Variants in GSC observed in about 807,000 individuals in gnomAD.
GSC encodes homeobox protein goosecoid.
In GSC, 13 loss-of-function variants were observed where a neutral mutation model predicts 24.5. The ratio of observed to expected loss-of-function variants is 0.53; its 90% CI spans 0.35 to 0.84. GSC has a LOEUF of 0.84. Ranked by LOEUF, GSC falls within the 40% of genes least tolerant of loss-of-function variation. The pLI is 0.01. For synonymous variants in GSC, 199 were observed against 182.1 expected (o/e 1.09, Z -0.75); for missense variants, 382 against 384.2 (o/e 0.99, Z 0.05).
Position 94,768,644 on chromosome 14 carries a change from C to G in GSC, c.621G>C (p.Trp207Cys). The G allele has an allele frequency of 6.2e-7, 1 of 1,613,638 alleles. No individual in the cohort carries two copies. Among genetic ancestry groups the G allele is most frequent in the Non-Finnish European group, 8.5e-7 (1 of 1,180,026 alleles). The change falls in exon 3 of 3, where the codon TGG becomes TGC. Residue 207 changes from tryptophan to cysteine, a missense_variant. Coordinates refer to ENST00000238558, the MANE Select transcript of GSC (RefSeq NM_173849.3). ...TCCATTTGGCGCGGCGGTTCTTAAA[C>G]CAGACCTGTTGCGCAACGGAGGACA... is the stretch of plus-strand genomic sequence containing the variant. ...VHLREEKVEV[W>C]FKNRRAKWRR...
At chr14:94,769,556 G>T in intron 1 of GSC, 105 bp downstream of exon 1, 1 of 1,366,638 alleles carries the variant, frequency 7.3e-7, no homozygotes, top group Non-Finnish European at 9.5e-7. Flanking sequence ...AAGCGGAGGG[G>T]GGAGTTGCAA....
At chr14:94,769,546 A>C in intron 1 of GSC, 115 bp downstream of exon 1, 2 of 1,357,074 alleles carry the variant, frequency 1.5e-6, no homozygotes, top group Non-Finnish European at 1.9e-6. Flanking sequence ...CGATCGGCAA[A>C]AGCGGAGGGG....
Position 94,769,403 on chromosome 14 carries a change from G to A in GSC, c.356-186C>T, listed in dbSNP as rs116232022. 0.015 allele frequency among the ~76,000 whole-genome samples: 2,340 copies of A among 152,222 alleles called. 73 individuals are homozygous for A. Among genetic ancestry groups the A allele is most frequent in the African/African-American group, 0.053 (2,197 of 41,468 alleles). On this transcript the variant is annotated intron_variant, in intron 1 of 2. Transcript: ENST00000238558. ...TGTTAGAGCATCCATCCGCACACCC[G>A]CCAAAGCCAGTAAGAGAATTCAAAA...
chr14:94,768,306 C>A lies in GSC; in HGVS notation c.*185G>T. 4.1e-6 allele frequency: 3 copies of A among 724,860 alleles called. No homozygotes were observed. The South Asian group carries it at 4.8e-5, about 12-fold the overall frequency. The allele number at this position is 724,860 out of a possible 1,614,324, so 44.9% of individuals were successfully genotyped here. On this transcript the variant is annotated 3_prime_UTR_variant, in exon 3 of 3. Coordinates refer to ENST00000238558, the MANE Select transcript of GSC (RefSeq NM_173849.3). ...GGGGCTAGTCGCGGGCGGCCTCGGG[C>A]TGCTGGGCTGTGCGCGCCCTGACCC...
chr14:94,769,279 G>T, intron 1 of GSC, 62 bp from the exon 2 acceptor site: 6 of 1,524,838 alleles, frequency 3.9e-6, no homozygotes, highest in Non-Finnish European at 5.3e-6. Flanking sequence ...ATGCACGCCC[G>T]CCAGCCCCCG....
rs565839799 is a variant in GSC, at chr14:94,769,454, T to C, written c.355+207A>G. On this transcript the variant is annotated intron_variant, in intron 1 of 2. Coordinates refer to ENST00000238558, the MANE Select transcript of GSC (RefSeq NM_173849.3). ...CAAAACAAAACAAAACAAAACCCAGTTTCCCCGGGCAGGCACTGAATTCCA... is the reference window on the plus strand; with the variant it reads ...CAAAACAAAACAAAACAAAACCCAGCTTCCCCGGGCAGGCACTGAATTCCA... Among the ~76,000 whole-genome samples, 10 of 150,466 alleles carry C rather than the reference T, an allele frequency of 6.6e-5. No individual in the cohort carries two copies. The South Asian group carries it at 2.1e-3, about 31-fold the overall frequency.
At chr14:94,769,445 A>C (rs982317826) in intron 1 of GSC, among the ~76,000 whole-genome samples, 1 of 152,202 alleles carries the variant, frequency 6.6e-6, no homozygotes, top group Non-Finnish European at 1.5e-5. Context: ...AAAACAAAAC[A>C]AAACCCAGTT....
In GSC at chr14:94,769,106, T is replaced by C. The variant is rs1490614477; in HGVS notation, c.467A>G (p.His156Arg). The C allele has an allele frequency of 6.3e-7, 1 of 1,587,986 alleles. No homozygotes were observed. Among genetic ancestry groups the C allele is most frequent in the Non-Finnish European group, 8.6e-7 (1 of 1,167,848 alleles). The change falls in exon 2 of 3, where the codon CAC becomes CGC. Residue 156 changes from histidine to arginine, a missense_variant. By Grantham distance (29) the His-to-Arg change is conservative (BLOSUM62 0). Coordinates refer to ENST00000238558, the MANE Select transcript of GSC (RefSeq NM_173849.3). Reference protein sequence around the residue: ...RTELQLLNQLHCRRKRRHRTI... With the variant: ...RTELQLLNQLRCRRKRRHRTI... ...GCGGTGCCGCCGCTTCCGCCGACAG[T>C]GCAGCTGGTTGAGAAGCTGCAGCTC...
At position 94,768,597 on chromosome 14, in the gene GSC, G is replaced by A; in HGVS notation, c.668C>T (p.Ser223Leu). ...AKWRRQKRSS[S>L]EESENAEKWN... is the part of the protein sequence containing the mutation. ...CTTCTCCGCGTTCTCCGACTCCTCT[G>A]ATGAGGACCGCTTCTGCCGCCTCCA... Residue 223 changes from serine (S) to leucine (L), a missense_variant, in exon 3 of 3, where the codon TCA becomes TTA. Ser to Leu is a moderately radical substitution (Grantham distance 145). Transcript: ENST00000238558. The A allele has an allele frequency of 6.2e-7, 1 of 1,614,122 alleles. No individual in the cohort carries two copies. The highest frequency in any genetic ancestry group is 8.5e-7 in the Non-Finnish European group (1 of 1,180,016).
In GSC at chr14:94,770,095, T is replaced by C; in HGVS notation, c.-80A>G. 1 of 1,333,966 alleles carries C rather than the reference T, an allele frequency of 7.5e-7. No individual in the cohort carries two copies. Among genetic ancestry groups the C allele is most frequent in the Non-Finnish European group, 1.0e-6 (1 of 992,022 alleles). The allele number at this position is 1,333,966 out of a possible 1,614,324, so 82.6% of individuals were successfully genotyped here. A position where few individuals can be genotyped will look rare whatever the true frequency, so the allele number is the denominator to read the frequency against. On this transcript the variant is annotated 5_prime_UTR_variant, in exon 1 of 3. Transcript: ENST00000238558. The stretch of plus-strand genomic sequence containing the variant: ...CTTAAAGTGGGGGGGTCCACTCTCC[T>C]CCAGCCGCCGACCAAACCGAAAGAG...
chr14:94,768,698 C>T (rs781332306), intron 2 of GSC, 49 bp from the exon 3 acceptor site: 3 of 1,606,468 alleles, frequency 1.9e-6, no homozygotes, highest in Middle Eastern at 1.9e-4. Context: ...GCGCGCTTCC[C>T]CCAGTCCCGG....
At position 94,768,940 on chromosome 14, in the gene GSC, G is replaced by A. The variant is rs1221045719; in HGVS notation, c.615+18C>T. 4 of 1,570,042 alleles carry A rather than the reference G, an allele frequency of 2.5e-6. No homozygotes were observed. The highest frequency in any genetic ancestry group is 1.9e-5 in the Admixed American group (1 of 53,808). ...GGGGAAGGACCGCTAGGCGCCCACG[G>A]CAGGCCCCGGCGCCTACCTCCACTT... On this transcript the variant is annotated intron_variant, in intron 2 of 2. Coordinates refer to ENST00000238558, the MANE Select transcript of GSC (RefSeq NM_173849.3).
intron 2 of GSC, 56 bp from the exon 3 acceptor site, chr14:94,768,705 C>T (rs1885219310): frequency 1.9e-6 from 3 of 1,599,702 alleles, no homozygotes; most frequent in South Asian, 1.1e-5. Context: ...TCCCCCAGTC[C>T]CGGGGCACCC....
chr14:94,769,274 C>T lies in GSC; in HGVS notation c.356-57G>A, dbSNP rs564027518. 23 of 1,529,316 alleles carry T rather than the reference C, an allele frequency of 1.5e-5. No homozygotes were observed. The Admixed American group carries it at 4.2e-4, about 28-fold the overall frequency. 94.7% of individuals were successfully genotyped at this position (1,529,316 alleles called of 1,614,324 possible). On this transcript the variant is annotated intron_variant, in intron 1 of 2. Transcript: ENST00000238558. ...CCGCCCTCGCCACCGCACGCATGCA[C>T]GCCCGCCAGCCCCCGACCCTCTTCC... is the stretch of plus-strand genomic sequence containing the variant.
chr14:94,769,985 T>C lies in GSC; in HGVS notation c.31A>G (p.Ile11Val). 6.4e-7 allele frequency: 1 copy of C among 1,560,632 alleles called. No homozygotes were observed. Among genetic ancestry groups the C allele is most frequent in the Non-Finnish European group, 8.6e-7 (1 of 1,162,150 alleles). MPASMFSIDN[I>V]LAARPRCKDS... is the part of the protein sequence containing the mutation. ...TTGCAGCGCGGCCGGGCGGCTAGGA[T>C]GTTGTCGATGCTGAACATGCTGGCG... Residue 11 changes from isoleucine (I) to valine (V), a missense_variant, in exon 1 of 3, where the codon ATC becomes GTC. Coordinates refer to ENST00000238558, the MANE Select transcript of GSC (RefSeq NM_173849.3).
At position 94,769,760 on chromosome 14, in the gene GSC, C is replaced by A. The variant is rs951684427; in HGVS notation, c.256G>T (p.Gly86Trp). Residue 86 changes from glycine to tryptophan, a missense_variant, in exon 1 of 3, where the codon GGG (glycine) becomes TGG (tryptophan). By Grantham distance (184) the Gly-to-Trp change is radical. Transcript: ENST00000238558. Reference sequence around the variant, plus strand: ...GGCGCCGCCTGCACGTGCAGCTGCCCGTAGAAGTAGTTGTTGTAGCCGAGG... The same window carrying A: ...GGCGCCGCCTGCACGTGCAGCTGCCAGTAGAAGTAGTTGTTGTAGCCGAGG... ...SRLGYNNYFY[G>W]QLHVQAAPVG... is the part of the protein sequence containing the mutation. 2.4e-5 allele frequency: 35 copies of A among 1,442,616 alleles called. No homozygotes were observed. Among genetic ancestry groups the A allele is most frequent in the Non-Finnish European group, 2.9e-5 (32 of 1,107,500 alleles). The allele number at this position is 1,442,616 out of a possible 1,614,324, so 89.4% of individuals were successfully genotyped here.
In GSC at chr14:94,768,578, C is replaced by T. The variant is rs756139979; in HGVS notation, c.687G>A (p.Ala229=). The part of the protein sequence containing the change: ...KRSSSEESEN[A]EKWNKTSSSK... ...ACGACGACGTCTTGTTCCACTTCTC[C>T]GCGTTCTCCGACTCCTCTGATGAGG... The change falls in exon 3 of 3, where the codon GCG becomes GCA. Residue 229 remains alanine, a synonymous_variant. Transcript: ENST00000238558. 2.5e-6 allele frequency: 4 copies of T among 1,614,074 alleles called. No individual in the cohort carries two copies. Among genetic ancestry groups the T allele is most frequent in the South Asian group, 1.1e-5 (1 of 91,088 alleles).
At position 94,769,737 on chromosome 14, in the gene GSC, C is replaced by A; in HGVS notation, c.279G>T (p.Ala93=). 6.9e-7 allele frequency: 1 copy of A among 1,442,706 alleles called. No homozygotes were observed. The highest frequency in any genetic ancestry group is 1.4e-5 in the South Asian group (1 of 70,606). 89.4% of individuals were successfully genotyped at this position (1,442,706 alleles called of 1,614,324 possible). A position where few individuals can be genotyped will look rare whatever the true frequency, so the allele number is the denominator to read the frequency against. ...YFYGQLHVQA[A]PVGPACCGAV... The stretch of plus-strand genomic sequence containing the variant: ...CCCCGCAGCAGGCCGGGCCCACGGG[C>A]GCCGCCTGCACGTGCAGCTGCCCGT... Residue 93 remains alanine (A), a synonymous_variant, in exon 1 of 3, where the codon GCG becomes GCT. Coordinates refer to ENST00000238558, the MANE Select transcript of GSC (RefSeq NM_173849.3).
At position 94,768,353 on chromosome 14, in the gene GSC, C is replaced by T. The variant is rs1885210851; in HGVS notation, c.*138G>A. The T allele has an allele frequency of 2.5e-6, 3 of 1,195,474 alleles. No individual in the cohort carries two copies. The Admixed American group carries it at 5.4e-5, about 22-fold the overall frequency. The allele number at this position is 1,195,474 out of a possible 1,614,324, so 74.1% of individuals were successfully genotyped here. A position where few individuals can be genotyped will look rare whatever the true frequency, so the allele number is the denominator to read the frequency against. On this transcript the variant is annotated 3_prime_UTR_variant, in exon 3 of 3. Transcript: ENST00000238558. ...ACCCCAGACGCCGACCCTCCCGGCTCTGTACACTATTTACAGCTCCTCGTT... is the reference window on the plus strand; with the variant it reads ...ACCCCAGACGCCGACCCTCCCGGCTTTGTACACTATTTACAGCTCCTCGTT...
Sources: gnomAD v4.1 joint callset for allele counts (sites outside exome capture counted in the v4.1 genomes callset) on GRCh38, gnomAD v4.1.1 for gene constraint, MANE v1.5 for transcripts, NCBI Gene and HGNC (gene_info 2026-07-23, HGNC 2026-07-21) for gene names.